Variants in GOPC observed in about 807,000 individuals in gnomAD.
GOPC encodes the protein golgi associated PDZ and coiled-coil motif containing, also known as Golgi-associated PDZ and coiled-coil motif-containing protein.
GOPC carries 32 observed loss-of-function variants against 51.2 expected under a neutral mutation model. That is an observed-to-expected ratio of 0.63 (90% confidence interval 0.47 to 0.84). The LOEUF is 0.84. Ranked by LOEUF, GOPC falls within the 40% of genes least tolerant of loss-of-function variation. The probability of loss-of-function intolerance (pLI) is 0.00; values close to 1 mark genes in which losing one functional copy is unlikely to be tolerated. For missense variants in GOPC, 441 were observed against 555.5 expected, an observed-to-expected ratio of 0.79 and a Z score of 2.07; for synonymous variants, 190 against 205.1, an observed-to-expected ratio of 0.93 and a Z score of 0.63.
Position 117,602,201 on chromosome 6 carries a change from T to A in GOPC, c.88A>T (p.Met30Leu). ...CSVGAPGGVSMFRWLEVLEKE... is the reference protein window; with the variant it reads ...CSVGAPGGVSLFRWLEVLEKE... ...TCCAGCACCTCCAGCCACCGGAACA[T>A]GGATACCCCGCCAGGGGCCCCCACG... The change falls in exon 1 of 9, where the codon ATG becomes TTG. Residue 30 changes from methionine (M) to leucine (L), a missense_variant. By Grantham distance (15) the Met-to-Leu change is conservative. This residue lies in a region of GOPC where 204 missense variants were observed against 219.8 expected (regional missense o/e 0.93). Coordinates refer to ENST00000368498, the MANE Select transcript of GOPC (RefSeq NM_020399.4). 5.6e-6 allele frequency: 9 copies of A among 1,610,630 alleles called. No homozygotes were observed. The highest frequency in any genetic ancestry group is 7.6e-6 in the Non-Finnish European group (9 of 1,179,982).
chr6:117,591,148 G>A lies in GOPC; in HGVS notation c.285+10856C>T, dbSNP rs145785002. 4.0e-3 allele frequency among the ~76,000 whole-genome samples: 603 copies of A among 152,130 alleles called. 2 individuals are homozygous for A. The highest frequency in any genetic ancestry group is 6.8e-3 in the Middle Eastern group (2 of 294). On this transcript the variant is annotated intron_variant, in intron 1 of 8. Transcript: ENST00000368498. ...ATTACAGGCGTGAACCACCACACCC[G>A]GCCCCAAATGTCCAATTTTAAAAAG...
chr6:117,596,572 G>A (rs967299018), intron 1 of GOPC, among the ~76,000 whole-genome samples: 4 of 152,062 alleles, frequency 2.6e-5, no homozygotes, highest in Non-Finnish European at 4.4e-5. Context: ...TTTTATATAC[G>A]GTAAGAGAGG....
chr6:117,601,708 A>C (rs766306299), intron 1 of GOPC, among the ~76,000 whole-genome samples: 36 of 152,124 alleles, frequency 2.4e-4, no homozygotes, highest in Admixed American at 7.2e-4. Context: ...CATGACAGAG[A>C]ATCTTTGTTA....
intron 4 of GOPC, among the ~76,000 whole-genome samples, chr6:117,574,259 T>TAA (rs879696961): frequency 1.4e-5 from 2 of 140,486 alleles, no homozygotes; most frequent in Non-Finnish European, 3.1e-5. Context: ...TCACAAAATT[T>TAA]AAAAAAAAAA....
chr6:117,581,348 T>C (rs185549154), intron 1 of GOPC, among the ~76,000 whole-genome samples: 102 of 152,198 alleles, frequency 6.7e-4, no homozygotes, highest in African/African-American at 2.3e-3. Context: ...TCCCTATTAA[T>C]AAAACTTCTT....
chr6:117,587,220 T>A (rs1459071574), intron 1 of GOPC, among the ~76,000 whole-genome samples: 1 of 152,218 alleles, frequency 6.6e-6, no homozygotes, highest in African/African-American at 2.4e-5. Flanking sequence ...TAAGTTCATC[T>A]GCCATTAGTT....
chr6:117,575,093 TA>T (rs1779861097), intron 4 of GOPC, 83 bp downstream of exon 4: 3 of 1,132,504 alleles, frequency 2.6e-6, no homozygotes, highest in African/African-American at 1.6e-5. Flanking sequence ...AAATAAAAAA[TA>T]AAAAAAGAAA....
chr6:117,575,079 A>G, intron 4 of GOPC, 98 bp downstream of exon 4: 1 of 1,008,916 alleles, frequency 9.9e-7, no homozygotes, highest in Middle Eastern at 2.2e-4. Flanking sequence ...ACTCCATCTC[A>G]AAAAAATAAA....
intron 2 of GOPC, 71 bp from the exon 3 acceptor site, chr6:117,577,542 C>A: frequency 2.4e-6 from 3 of 1,234,208 alleles, no homozygotes; most frequent in East Asian, 2.5e-5. Context: ...GTGGTATAGT[C>A]ATTATAAGGA....
Position 117,566,981 on chromosome 6 carries a change from A to G in GOPC, c.1131T>C (p.Asp377=), listed in dbSNP as rs778892567. The G allele has an allele frequency of 1.2e-6, 2 of 1,610,394 alleles. No individual in the cohort carries two copies. The highest frequency in any genetic ancestry group is 3.4e-5 in the Admixed American group (2 of 59,176). Residue 377 remains aspartate (D), a synonymous_variant, in exon 8 of 9, where the codon GAT becomes GAC. Transcript: ENST00000368498. ...CATCTTCATACTCTACGTTTTCATC[A>G]TCAGAATCCACTTCAGGAGCCACAT... ...VVYVAPEVDS[D]DENVEYEDES...
intron 1 of GOPC, among the ~76,000 whole-genome samples, chr6:117,592,409 A>C (rs1350380461): frequency 6.6e-6 from 1 of 152,104 alleles, no homozygotes; most frequent in South Asian, 2.1e-4. Context: ...AAACAACAAC[A>C]TAAGTTTATT....
Position 117,571,616 on chromosome 6 carries a change from C to G in GOPC, c.817-661G>C, listed in dbSNP as rs369170399. 9.2e-5 allele frequency among the ~76,000 whole-genome samples: 14 copies of G among 152,200 alleles called. No homozygotes were observed. The East Asian group carries it at 1.5e-3, about 17-fold the overall frequency. Reference sequence around the variant, plus strand: ...CTACCATCCTCCCCCTTTCCTTAACCTCTACACGAAGTTCATCCTCATCAT... The same window carrying G: ...CTACCATCCTCCCCCTTTCCTTAACGTCTACACGAAGTTCATCCTCATCAT... On this transcript the variant is annotated intron_variant, in intron 5 of 8. Transcript: ENST00000368498.
intron 3 of GOPC, 160 bp from the exon 4 acceptor site, chr6:117,575,512 A>G (rs1265126646): frequency 1.3e-6 from 1 of 767,002 alleles, no homozygotes; most frequent in African/African-American, 1.7e-5. Flanking sequence ...CTAGTACCAT[A>G]ACATCTTGGA....
intron 1 of GOPC, among the ~76,000 whole-genome samples, chr6:117,583,601 T>C (rs1268729097): frequency 6.6e-6 from 1 of 152,246 alleles, no homozygotes; most frequent in Non-Finnish European, 1.5e-5. Flanking sequence ...TATATTTGTA[T>C]ATAACATAAT....
intron 3 of GOPC, among the ~76,000 whole-genome samples, chr6:117,575,702 A>G (rs1562141551): frequency 6.6e-6 from 1 of 152,206 alleles, no homozygotes. Flanking sequence ...CCCAATAGAC[A>G]TTTTAACTGT....
At chr6:117,566,832 T>TA (rs1404233184) in intron 8 of GOPC, 22 bp downstream of exon 8, 1 of 1,460,120 alleles carries the variant, frequency 6.8e-7, no homozygotes, top group South Asian at 1.4e-5. Flanking sequence ...ATGTTAATAA[T>TA]AATTTTTAGA....
rs1000719536 is a variant in GOPC at position 117,560,908 on chromosome 6, A to C, written c.*2346T>G. ...TGGTTTTGTCCTAGAAGTTTCAGGGACATATGAATTTCTTTCCTATAAATG... is the reference window on the plus strand; with the variant it reads ...TGGTTTTGTCCTAGAAGTTTCAGGGCCATATGAATTTCTTTCCTATAAATG... On this transcript the variant is annotated 3_prime_UTR_variant, in exon 9 of 9. Transcript: ENST00000368498. The C allele has an allele frequency of 4.7e-6, 1 of 212,464 alleles. No individual in the cohort carries two copies. Among genetic ancestry groups the C allele is most frequent in the Admixed American group, 5.9e-5 (1 of 16,968 alleles). The allele number at this position is 212,464 out of a possible 1,614,324, so 13.2% of individuals were successfully genotyped here.
At chr6:117,578,512 T>A (rs1401236121) in intron 2 of GOPC, among the ~76,000 whole-genome samples, 9 of 152,038 alleles carry the variant, frequency 5.9e-5, no homozygotes, top group Admixed American at 5.9e-4. Flanking sequence ...ACTGCCGGTC[T>A]CAGATTTCAT....
intron 1 of GOPC, among the ~76,000 whole-genome samples, chr6:117,588,942 A>G (rs1435786016): frequency 6.6e-6 from 1 of 152,134 alleles, no homozygotes; most frequent in Admixed American, 6.6e-5. Flanking sequence ...GCTCCACCAT[A>G]TAGAGTAGGG....
Sources: gnomAD v4.1 joint callset for allele counts (sites outside exome capture counted in the v4.1 genomes callset) on GRCh38, gnomAD v4.1.1 for gene constraint, gnomAD v4.1.1 regional missense constraint, MANE v1.5 for transcripts, NCBI Gene and HGNC (gene_info 2026-07-23, HGNC 2026-07-21) for gene names.